The following R3HDM1 variants were observed in gnomAD, a reference collection of about 807,000 sequenced individuals.
R3HDM1 encodes R3H domain-containing protein 1.
R3HDM1 carries 46 observed loss-of-function variants against 141.1 expected under a neutral mutation model. That is an observed-to-expected ratio of 0.33 (90% CI 0.26 to 0.42). The LOEUF is 0.42. Ranked by LOEUF, R3HDM1 falls within the 10% of genes least tolerant of loss-of-function variation. R3HDM1 has a pLI of 1.00. For synonymous variants in R3HDM1, 435 were observed against 472.9 expected (o/e 0.92, Z 1.04); for missense variants, 1,184 against 1,368.3 (o/e 0.87, Z 2.12).
intron 18 of R3HDM1, among the ~76,000 whole-genome samples, chr2:135,658,124 AG>A (rs1277668153): frequency 1.3e-5 from 2 of 152,178 alleles, no homozygotes; most frequent in Non-Finnish European, 2.9e-5. Context: ...AACATAGAAA[AG>A]GTACAGTAAA....
chr2:135,537,608 C>CTTATTTTATT (rs60815896), intron 1 of R3HDM1, among the ~76,000 whole-genome samples: 1,831 of 107,388 alleles, frequency 0.017, 70 homozygotes, highest in East Asian at 0.056. Flanking sequence ...TTAGTGAGCC[C>CTTATTTTATT]TTATTTTATT....
chr2:135,707,271 A>G (rs1421851589), intron 21 of R3HDM1, among the ~76,000 whole-genome samples: 2 of 152,170 alleles, frequency 1.3e-5, no homozygotes, highest in African/African-American at 4.8e-5. Context: ...TCTCTGGTAT[A>G]ATATATTTGT....
rs138282156 is a variant in R3HDM1, at chr2:135,629,543, T to C, written c.498-2175T>C. Among the ~76,000 whole-genome samples, 13 of 152,280 alleles carry C rather than the reference T, an allele frequency of 8.5e-5. No individual in the cohort carries two copies. The East Asian group carries it at 2.5e-3, about 29-fold the overall frequency. On this transcript the variant is annotated intron_variant, in intron 7 of 26. Transcript: ENST00000683871. ...TCTATATACAAATAGTTCAAATAAC[T>C]ATATATGACAATAATTGTGATAAAT...
chr2:135,565,928 G>C (rs1387013805), intron 1 of R3HDM1: 1 of 152,136 alleles, frequency 6.6e-6, no homozygotes, highest in African/African-American at 2.4e-5. Flanking sequence ...AGAAACAGGT[G>C]GTGAGGATGT....
At chr2:135,662,672 A>G (rs1402571484) in intron 19 of R3HDM1, among the ~76,000 whole-genome samples, 1 of 152,210 alleles carries the variant, frequency 6.6e-6, no homozygotes, top group Non-Finnish European at 1.5e-5. Flanking sequence ...ACGTCAAATA[A>G]TGTAAACTAG....
chr2:135,697,347 G>A (rs1269954673), intron 21 of R3HDM1, among the ~76,000 whole-genome samples: 10 of 152,208 alleles, frequency 6.6e-5, no homozygotes, highest in African/African-American at 2.4e-4. Flanking sequence ...TAACTCCTAA[G>A]TGACCATGTG....
chr2:135,634,042 C>T (rs977651828), intron 9 of R3HDM1, among the ~76,000 whole-genome samples: 1 of 152,124 alleles, frequency 6.6e-6, no homozygotes, highest in Non-Finnish European at 1.5e-5. Context: ...AATCATGTGA[C>T]AAAAATAACA....
Position 135,723,948 on chromosome 2 carries a change from G to C in R3HDM1, c.3061G>C (p.Val1021Leu). 2 of 1,610,116 alleles carry C rather than the reference G, an allele frequency of 1.2e-6. No homozygotes were observed. The highest frequency in any genetic ancestry group is 1.7e-6 in the Non-Finnish European group (2 of 1,177,042). The part of the protein sequence containing the change: ...LGAGETVVGK[V>L]LEITELPDGI... ...CTTTTCTATTCTAGTTGTTGGGAAG[G>C]TCTTGGAAATTACTGAACTACCAGA... The change falls in exon 27 of 27, where the codon GTC becomes CTC. Residue 1021 changes from valine to leucine, a missense_variant. Transcript: ENST00000683871.
In R3HDM1 at chr2:135,571,319, TA is replaced by T. The variant is rs950405952; in HGVS notation, c.-249-31179del. On this transcript the variant is annotated intron_variant, in intron 1 of 26. Transcript: ENST00000683871. ...AAAATTTTATTTTATTATTTTTTTT[TA>T]ATTATTCATTTATTTATTTTTTAGA... is the stretch of plus-strand genomic sequence containing the variant. 2.7e-3 allele frequency among the ~76,000 whole-genome samples: 408 copies of T among 151,936 alleles called. 5 individuals carry two copies. The highest frequency in any genetic ancestry group is 8.6e-3 in the African/African-American group (355 of 41,434).
At chr2:135,595,240 TG>T (rs1415392427) in intron 1 of R3HDM1, among the ~76,000 whole-genome samples, 1 of 152,212 alleles carries the variant, frequency 6.6e-6, no homozygotes, top group Non-Finnish European at 1.5e-5. Flanking sequence ...CTATATTTAG[TG>T]GTAGCAAGCA....
chr2:135,533,842 C>A, intron 1 of R3HDM1: 2 of 290,510 alleles, frequency 6.9e-6, no homozygotes, highest in Non-Finnish European at 1.0e-5. Context: ...CATTGAACTC[C>A]AGTCTGGGCA....
intron 11 of R3HDM1, among the ~76,000 whole-genome samples, chr2:135,637,141 T>C (rs1201837419): frequency 1.3e-5 from 2 of 152,114 alleles, no homozygotes; most frequent in Non-Finnish European, 2.9e-5. Context: ...CTGCCCTTGA[T>C]GAATAGCCAA....
intron 6 of R3HDM1, chr2:135,621,872 A>G: frequency 2.0e-6 from 2 of 977,794 alleles, no homozygotes; most frequent in Non-Finnish European, 2.4e-6. Flanking sequence ...ATAGTAAAAT[A>G]CTAAAGTCAT....
At chr2:135,690,933 G>T (rs1030905488) in intron 21 of R3HDM1, among the ~76,000 whole-genome samples, 1 of 151,618 alleles carries the variant, frequency 6.6e-6, no homozygotes, top group Admixed American at 6.6e-5. Flanking sequence ...AATAGGAGAG[G>T]CAACATTTCA....
chr2:135,640,376 T>C (rs896614036), intron 14 of R3HDM1, among the ~76,000 whole-genome samples: 4 of 152,206 alleles, frequency 2.6e-5, no homozygotes, highest in African/African-American at 7.2e-5. Context: ...CAAATATGCA[T>C]TATTTGGAAA....
intron 1 of R3HDM1, among the ~76,000 whole-genome samples, chr2:135,564,035 T>C (rs1702274891): frequency 1.3e-5 from 2 of 152,186 alleles, no homozygotes; most frequent in South Asian, 4.1e-4. Context: ...CAAAAACTCA[T>C]TCATCATCAC....
chr2:135,594,355 A>G (rs1329736739), intron 1 of R3HDM1, among the ~76,000 whole-genome samples: 1 of 152,166 alleles, frequency 6.6e-6, no homozygotes, highest in Non-Finnish European at 1.5e-5. Context: ...AATGGCTGTG[A>G]AAAAAACATT....
intron 7 of R3HDM1, 135 bp downstream of exon 7, chr2:135,622,867 TA>T: frequency 7.4e-7 from 1 of 1,356,856 alleles, no homozygotes; most frequent in Non-Finnish European, 9.5e-7. Context: ...TTTAGTTTTT[TA>T]GGGCAAAGAT....
Position 135,715,688 on chromosome 2 carries a change from G to C in R3HDM1, c.2875G>C (p.Gly959Arg). The change falls in exon 24 of 27, where the codon GGG (glycine) becomes CGG (arginine). Residue 959 changes from glycine to arginine, a missense_variant. By Grantham distance (125) the Gly-to-Arg change is moderately radical. Coordinates refer to ENST00000683871, the MANE Select transcript of R3HDM1 (RefSeq NM_001378107.1). ...CCAATTTTCTAGACCTTTTGTCCCC[G>C]GGCAAGGTAAGTGCACATGAAACTA... ...MPQFSRPFVP[G>R]QGDSRYPLLG... 1 of 1,612,756 alleles carries C rather than the reference G, an allele frequency of 6.2e-7. No individual in the cohort carries two copies. Among genetic ancestry groups the C allele is most frequent in the Admixed American group, 1.7e-5 (1 of 59,798 alleles).
Sources: gnomAD v4.1 joint callset for allele counts (sites outside exome capture counted in the v4.1 genomes callset) on GRCh38, gnomAD v4.1.1 for gene constraint, MANE v1.5 for transcripts, NCBI Gene and HGNC (gene_info 2026-07-23, HGNC 2026-07-21) for gene names.